The following URI1 variants were observed in gnomAD, a reference collection of about 807,000 sequenced individuals.
URI1 encodes unconventional prefoldin RPB5 interactor 1.
Under a neutral mutation model 60.2 loss-of-function variants are expected in URI1, and 39 were observed. The ratio of observed to expected loss-of-function variants is 0.65; its 90% CI spans 0.50 to 0.85. URI1 has a LOEUF of 0.85. Among genes scored for constraint, URI1 ranks in the 40% least tolerant of loss-of-function variants. The probability of loss-of-function intolerance (pLI) is 0.00; values close to 1 mark genes in which losing one functional copy is unlikely to be tolerated. For synonymous variants in URI1, 251 were observed against 236.8 expected (o/e 1.06, Z -0.55); for missense variants, 691 against 665.9 (o/e 1.04, Z -0.42).
At chr19:29,992,158 C>T (rs995317905) in intron 4 of URI1, among the ~76,000 whole-genome samples, 1 of 152,210 alleles carries the variant, frequency 6.6e-6, no homozygotes, top group African/African-American at 2.4e-5. Context: ...CAACCTCCAC[C>T]TCCCAAGTTC....
intron 2 of URI1, among the ~76,000 whole-genome samples, chr19:29,974,688 C>T (rs1164978281): frequency 6.6e-6 from 1 of 152,118 alleles, no homozygotes; most frequent in Non-Finnish European, 1.5e-5. Context: ...GAACCCATCA[C>T]CCAGATAGCA....
intron 1 of URI1, among the ~76,000 whole-genome samples, chr19:29,935,247 T>C (rs1035477287): frequency 6.6e-6 from 1 of 152,256 alleles, no homozygotes; most frequent in Non-Finnish European, 1.5e-5. Flanking sequence ...ACACCCTAAT[T>C]TGAATAATAC....
chr19:29,958,382 A>C (rs1358745252), intron 1 of URI1, among the ~76,000 whole-genome samples: 1 of 152,210 alleles, frequency 6.6e-6, no homozygotes, highest in African/African-American at 2.4e-5. Flanking sequence ...TCGTTATGAA[A>C]ATAAGGACAT....
At chr19:29,977,006 A>G (rs1466665969) in intron 2 of URI1, among the ~76,000 whole-genome samples, 4 of 152,170 alleles carry the variant, frequency 2.6e-5, no homozygotes, top group African/African-American at 7.2e-5. Context: ...CTGGACAAAA[A>G]TAATTGTTCA....
chr19:29,940,072 T>C (rs1175627819), upstream of URI1, among the ~76,000 whole-genome samples: 3 of 152,188 alleles, frequency 2.0e-5, no homozygotes, highest in South Asian at 2.1e-4. Flanking sequence ...TGATAGAAAA[T>C]TGTCCTGGTC....
chr19:30,002,039 A>C (rs898729189), intron 4 of URI1, among the ~76,000 whole-genome samples: 1 of 151,996 alleles, frequency 6.6e-6, no homozygotes, highest in Non-Finnish European at 1.5e-5. Context: ...TAAAAATTCC[A>C]GCACACAAAA....
At chr19:29,947,307 G>A (rs975962799) in intron 1 of URI1, among the ~76,000 whole-genome samples, 1 of 152,194 alleles carries the variant, frequency 6.6e-6, no homozygotes, top group Non-Finnish European at 1.5e-5. Flanking sequence ...TGTGTGCCAC[G>A]CATTGTGATA....
At position 30,011,066 on chromosome 19, in the gene URI1, T is replaced by G. The variant is rs1568447930; in HGVS notation, c.1036-28T>G. On this transcript the variant is annotated intron_variant, in intron 8 of 10. Transcript: ENST00000392271. ...CACTTTGATTTAATTTGTCAAAAGA[T>G]TCTTAATTTCTTGCTCTGAAATTTT... 3.1e-6 allele frequency: 5 copies of G among 1,591,802 alleles called. No homozygotes were observed. The South Asian group carries it at 4.6e-5, about 15-fold the overall frequency.
chr19:30,002,659 A>AT (rs1325985088), intron 4 of URI1, among the ~76,000 whole-genome samples: 1 of 151,724 alleles, frequency 6.6e-6, no homozygotes, highest in South Asian at 2.1e-4. Context: ...CAAATTACTA[A>AT]TTTTTTTCTT....
At chr19:29,999,385 A>T (rs2145416072) in intron 4 of URI1, among the ~76,000 whole-genome samples, 1 of 152,220 alleles carries the variant, frequency 6.6e-6, no homozygotes, top group East Asian at 1.9e-4. Flanking sequence ...ACTCTTGTTT[A>T]TCTGGGAATA....
intron 1 of URI1, among the ~76,000 whole-genome samples, chr19:29,969,131 T>C (rs1470623765): frequency 1.3e-5 from 2 of 152,200 alleles, no homozygotes; most frequent in Non-Finnish European, 2.9e-5. Context: ...ATAGTGCTTA[T>C]TTGAAGTCTC....
At chr19:29,938,442 AC>A (rs1425422022), upstream of URI1, among the ~76,000 whole-genome samples, 16 of 152,068 alleles carry the variant, frequency 1.1e-4, no homozygotes, top group African/African-American at 3.9e-4. Context: ...CGCCCCCAAG[AC>A]CCAAACACCT....
Position 30,015,911 on chromosome 19 carries a change from GT to G in URI1, c.*845del. On this transcript the variant is annotated 3_prime_UTR_variant, in exon 11 of 11. Coordinates refer to ENST00000392271, the MANE Select transcript of URI1 (RefSeq NM_003796.3). ...ACATTTTAAATAAAAATTCCTTACA[GT>G]TTCATCTTCCCAACATTTTCATTCT... 1 of 210,136 alleles carries G rather than the reference GT, an allele frequency of 4.8e-6. No individual in the cohort carries two copies. Among genetic ancestry groups the G allele is most frequent in the Non-Finnish European group, 9.3e-6 (1 of 107,492 alleles). 13.0% of individuals were successfully genotyped at this position (210,136 alleles called of 1,614,324 possible).
rs181887716 is a variant in URI1, at chr19:29,990,540, A to G, written c.367+4123A>G. Among the ~76,000 whole-genome samples, 449 of 152,364 alleles carry G rather than the reference A, an allele frequency of 2.9e-3. 1 individual carries two copies. The highest frequency in any genetic ancestry group is 0.014 in the Middle Eastern group (4 of 294). Reference sequence around the variant, plus strand: ...ACAGGTGAATAAGTGTCGTACATCCATGCAGTGGAATGTTGTTTGGCAATA... The same window carrying G: ...ACAGGTGAATAAGTGTCGTACATCCGTGCAGTGGAATGTTGTTTGGCAATA... On this transcript the variant is annotated intron_variant, in intron 4 of 10. Coordinates refer to ENST00000392271, the MANE Select transcript of URI1 (RefSeq NM_003796.3).
At chr19:29,924,753 C>T (rs1224935855) in intron 1 of URI1, among the ~76,000 whole-genome samples, 24 of 152,244 alleles carry the variant, frequency 1.6e-4, no homozygotes, top group Admixed American at 1.6e-3. Context: ...GGGTGGGGCT[C>T]CACTGCTCCC....
At chr19:30,002,829 G>A (rs566012500) in intron 4 of URI1, among the ~76,000 whole-genome samples, 32 of 151,976 alleles carry the variant, frequency 2.1e-4, no homozygotes, top group Admixed American at 6.6e-4. Context: ...TACAGATATT[G>A]TCTATATCAC....
In URI1 at chr19:29,923,685, T is replaced by C. The variant is rs1005025173; in HGVS notation, c.-7T>C. The C allele has an allele frequency of 5.9e-5, 90 of 1,536,446 alleles. No homozygotes were observed. In the African/African-American group the frequency reaches 1.2e-3, roughly 20 times the overall value. ...CTTTTCCAGGCTCCTTGGAGGTCACTGCCCTGATGACAACATGGTCTTCCC... is the reference window on the plus strand; with the variant it reads ...CTTTTCCAGGCTCCTTGGAGGTCACCGCCCTGATGACAACATGGTCTTCCC... On this transcript the variant is annotated 5_prime_UTR_variant, in exon 1 of 11. Coordinates refer to the URI1 transcript ENST00000360605.
chr19:29,954,980 G>C (rs1212929084), intron 1 of URI1, among the ~76,000 whole-genome samples: 1 of 151,880 alleles, frequency 6.6e-6, no homozygotes, highest in Non-Finnish European at 1.5e-5. Context: ...GAATTACTCT[G>C]GTTCATAGAG....
At chr19:29,990,383 C>G (rs1395273694) in intron 4 of URI1, among the ~76,000 whole-genome samples, 1 of 152,104 alleles carries the variant, frequency 6.6e-6, no homozygotes, top group East Asian at 1.9e-4. Flanking sequence ...TCTAGCAGTT[C>G]CACACCTAGA....
Sources: allele counts gnomAD v4.1 joint callset (sites outside exome capture counted in the v4.1 genomes callset), GRCh38; gene constraint gnomAD v4.1.1; transcripts MANE v1.5; gene names NCBI Gene and HGNC (gene_info 2026-07-23, HGNC 2026-07-21).